ZZEF1: variants seen among roughly 807,000 people sequenced by gnomAD.
ZZEF1 encodes zinc finger ZZ-type and EF-hand domain-containing protein 1.
Under a neutral mutation model 342.8 loss-of-function variants are expected in ZZEF1, and 157 were observed. That is an observed-to-expected ratio of 0.46 (90% CI 0.40 to 0.52). ZZEF1 has a LOEUF of 0.52. Among genes scored for constraint, ZZEF1 ranks in the 20% least tolerant of loss-of-function variants. The pLI, the probability that ZZEF1 is intolerant of heterozygous loss-of-function variation, is 0.00. For synonymous variants in ZZEF1, 1,505 were observed against 1,429.1 expected, an observed-to-expected ratio of 1.05 and a Z score of -1.20; for missense variants, 3,480 against 3,725.6, an observed-to-expected ratio of 0.93 and a Z score of 1.72.
rs1056489348 is a variant in ZZEF1 at position 4,016,902 on chromosome 17, C to T, written c.8002-436G>A. The T allele has an allele frequency of 5.1e-6, 1 of 194,746 alleles. No homozygotes were observed. The highest frequency in any genetic ancestry group is 2.3e-5 in the African/African-American group (1 of 42,814). 12.1% of individuals were successfully genotyped at this position (194,746 alleles called of 1,614,324 possible). On this transcript the variant is annotated intron_variant, in intron 48 of 54. Coordinates refer to ENST00000381638, the MANE Select transcript of ZZEF1 (RefSeq NM_015113.4). The surrounding 1 kb of genome is among the most constrained non-coding windows in gnomAD (Gnocchi z 4.4). Reference sequence around the variant, plus strand: ...GGGCCTAGTAGAGGCAGGGTGGCTCCCTCTGTCCCTTCCGAAAGATAGATA... The same window carrying T: ...GGGCCTAGTAGAGGCAGGGTGGCTCTCTCTGTCCCTTCCGAAAGATAGATA...
At chr17:4,102,041 A>C (rs1490252262) in intron 9 of ZZEF1, among the ~76,000 whole-genome samples, 3 of 152,160 alleles carry the variant, frequency 2.0e-5, no homozygotes, top group African/African-American at 7.2e-5. Context: ...GAACTGAAAA[A>C]ACGATTAAAA....
At chr17:4,059,133 CA>C (rs779912708) in intron 31 of ZZEF1, 37 bp downstream of exon 31, 1 of 1,294,354 alleles carries the variant, frequency 7.7e-7, no homozygotes, top group African/African-American at 2.8e-5. Flanking sequence ...GAAAAAAATA[CA>C]TTTTTTTTCT....
intron 9 of ZZEF1, among the ~76,000 whole-genome samples, chr17:4,101,952 T>C (rs774016697): frequency 3.3e-5 from 5 of 152,144 alleles, no homozygotes; most frequent in Non-Finnish European, 7.4e-5. Context: ...TCTTAAACTA[T>C]GTTTTCAGTC....
chr17:4,018,309 C>T (rs1438660513), intron 46 of ZZEF1, among the ~76,000 whole-genome samples: 1 of 151,916 alleles, frequency 6.6e-6, no homozygotes, highest in African/African-American at 2.4e-5. Context: ...CGTGTTGGAG[C>T]TATGTTGCCC....
Position 4,109,707 on chromosome 17 carries a change from G to A in ZZEF1, c.1223C>T (p.Thr408Met), listed in dbSNP as rs772799642. 27 of 1,614,136 alleles carry A rather than the reference G, an allele frequency of 1.7e-5. No individual in the cohort carries two copies. The East Asian group carries it at 2.9e-4, about 17-fold the overall frequency. Residue 408 changes from threonine (T) to methionine (M), a missense_variant, in exon 6 of 55, where the codon ACG (threonine) becomes ATG (methionine). Around this residue, in one of 5 missense-constraint regions of ZZEF1, gnomAD observed 1,528 missense variants for 1,624.1 expected, o/e 0.94. Transcript: ENST00000381638. ...WYWSLLTSLVTASMETNPAFV... is the reference protein window; with the variant it reads ...WYWSLLTSLVMASMETNPAFV... The stretch of plus-strand genomic sequence containing the variant: ...GGCGGGATTTGTCTCCATAGAAGCC[G>A]TCACCAGAGATGTCAGCAGAGACCA...
At position 4,124,120 on chromosome 17, in the gene ZZEF1, T is replaced by A. The variant is rs1338007601; in HGVS notation, c.355-69A>T. On this transcript the variant is annotated intron_variant, in intron 1 of 54. Transcript: ENST00000381638. The stretch of plus-strand genomic sequence containing the variant: ...AACGAGGGCAGTTTCAAGTTTCTTT[T>A]ATTTAAAATTCTCGAGACCGGTGAT... The A allele has an allele frequency of 2.0e-6, 3 of 1,495,404 alleles. No homozygotes were observed. In the Admixed American group the frequency reaches 7.5e-5, roughly 37 times the overall value. The allele number at this position is 1,495,404 out of a possible 1,614,324, so 92.6% of individuals were successfully genotyped here.
intron 39 of ZZEF1, among the ~76,000 whole-genome samples, chr17:4,036,036 G>C (rs1328284205): frequency 6.9e-6 from 1 of 143,976 alleles, no homozygotes. Flanking sequence ...GGAGGCAGAG[G>C]TTGCAGTGAG....
In ZZEF1 at chr17:4,066,458, G is replaced by GGGTTCA. The variant is rs751278927; in HGVS notation, c.4232_4237dup (p.Asn1412_Pro1413insLeuAsn). On this transcript the variant is annotated inframe_insertion, in exon 28 of 55. Transcript: ENST00000381638. ...GTTAGCACACTCACCCAGGCTCTCA[G>GGGTTCA]GGTTCACCTCAGTAGCTTCTGAACT... 3.1e-6 allele frequency: 5 copies of GGGTTCA among 1,613,956 alleles called. No individual in the cohort carries two copies. The African/African-American group carries it at 4.0e-5, about 13-fold the overall frequency.
In ZZEF1 at chr17:4,034,004, A is replaced by G. The variant is rs1162131614; in HGVS notation, c.6584+11T>C. ...AGGGCAGGTGGTTAGAGGAGCGAGG[A>G]CCAAGGCTACCTGTCCAGACACACA... is the stretch of plus-strand genomic sequence containing the variant. On this transcript the variant is annotated intron_variant, in intron 40 of 54. Coordinates refer to ENST00000381638, the MANE Select transcript of ZZEF1 (RefSeq NM_015113.4). 4 of 1,612,392 alleles carry G rather than the reference A, an allele frequency of 2.5e-6. No individual in the cohort carries two copies. The highest frequency in any genetic ancestry group is 2.5e-6 in the Non-Finnish European group (3 of 1,178,872).
rs1250820333 is a variant in ZZEF1, at chr17:4,104,803, G to C, written c.1403C>G (p.Ser468Cys). The stretch of plus-strand genomic sequence containing the variant: ...AAGAGTCAGTTCTACCTCTGGGGTA[G>C]AACAGCAGCTATAAGCAAAGAGCAA... ...SFLIRITSCC[S>C]TPEVELTLLA... Residue 468 changes from serine (S) to cysteine (C), a missense_variant, in exon 8 of 55, where the codon TCT becomes TGT. Ser to Cys is a moderately radical substitution (Grantham distance 112, BLOSUM62 -1). Around this residue, in one of 5 missense-constraint regions of ZZEF1, gnomAD observed 1,528 missense variants for 1,624.1 expected, o/e 0.94. Transcript: ENST00000381638. 1.9e-6 allele frequency: 3 copies of C among 1,612,332 alleles called. No homozygotes were observed. In the East Asian group the frequency reaches 6.7e-5, roughly 36 times the overall value.
chr17:4,009,133 G>A (rs1256830776), intron 53 of ZZEF1, 179 bp from the exon 54 acceptor site: 101 of 747,232 alleles, frequency 1.4e-4, no homozygotes, highest in African/African-American at 3.5e-5. Context: ...CAGGTGCCCG[G>A]TGCCGGGGTC....
intron 25 of ZZEF1, 57 bp from the exon 26 acceptor site, chr17:4,070,981 TA>T: frequency 1.3e-6 from 2 of 1,577,086 alleles, no homozygotes; most frequent in South Asian, 1.2e-5. Flanking sequence ...AAATAAAATT[TA>T]TTGAGCAAAC....
chr17:4,120,996 C>T (rs761386600), intron 2 of ZZEF1, among the ~76,000 whole-genome samples: 1 of 152,174 alleles, frequency 6.6e-6, no homozygotes, highest in Non-Finnish European at 1.5e-5. Context: ...AAAATTCCCA[C>T]CACCAAAGCA....
At chr17:4,092,076 C>CAAAA (rs764233105) in intron 11 of ZZEF1, among the ~76,000 whole-genome samples, 9 of 29,660 alleles carry the variant, frequency 3.0e-4, no homozygotes, top group African/African-American at 9.0e-4. Flanking sequence ...AACTCCACCT[C>CAAAA]AAAAAAAAAA....
At chr17:4,087,367 C>T in intron 14 of ZZEF1, 67 bp downstream of exon 14, 1 of 1,343,066 alleles carries the variant, frequency 7.4e-7, no homozygotes, top group South Asian at 1.3e-5. Flanking sequence ...AAAAAATCCA[C>T]TTAGAATAGT....
chr17:4,049,846 T>G lies in ZZEF1; in HGVS notation c.5877A>C (p.Leu1959=). Residue 1959 remains leucine, a synonymous_variant, in exon 37 of 55, where the codon CTA becomes CTC. Transcript: ENST00000381638. ...KAHQGKGLKA[L]ALLGVLPDGD... is the part of the protein sequence containing the mutation. ...CATCTGGCAATACACCCAGCAAAGCTAGAGCTTTAAGGCCTATGTGGGAAG... is the reference window on the plus strand; with the variant it reads ...CATCTGGCAATACACCCAGCAAAGCGAGAGCTTTAAGGCCTATGTGGGAAG... The G allele has an allele frequency of 6.2e-7, 1 of 1,614,192 alleles. No individual in the cohort carries two copies. Among genetic ancestry groups the G allele is most frequent in the Non-Finnish European group, 8.5e-7 (1 of 1,180,026 alleles).
chr17:4,083,862 T>C (rs2057771041), intron 16 of ZZEF1, among the ~76,000 whole-genome samples: 1 of 152,218 alleles, frequency 6.6e-6, no homozygotes. Context: ...TTATGTCTGC[T>C]CATTGGCTGT....
chr17:4,063,109 C>G (rs536517682), intron 29 of ZZEF1, among the ~76,000 whole-genome samples, 192 bp from the exon 30 acceptor site: 1 of 152,342 alleles, frequency 6.6e-6, no homozygotes, highest in Non-Finnish European at 1.5e-5. Context: ...CACTACAAAT[C>G]AGTTCATGCC....
intron 8 of ZZEF1, 109 bp downstream of exon 8, chr17:4,104,524 T>A: frequency 7.9e-7 from 1 of 1,260,684 alleles, no homozygotes; most frequent in South Asian, 1.4e-5. Flanking sequence ...GGTGTAACTA[T>A]AACAACCCAA....
Sources: allele counts gnomAD v4.1 joint callset (sites outside exome capture counted in the v4.1 genomes callset), GRCh38; gene constraint gnomAD v4.1.1; regional missense constraint gnomAD v4.1.1; non-coding constraint Gnocchi (gnomAD v3.1); transcripts MANE v1.5; gene names NCBI Gene and HGNC (gene_info 2026-07-23, HGNC 2026-07-21).